ABCC2: variants seen among roughly 807,000 people sequenced by gnomAD.
ABCC2 encodes ATP binding cassette subfamily C member 2, also known as ATP-binding cassette sub-family C member 2.
In ABCC2, 157 loss-of-function variants were observed where a neutral mutation model predicts 173.4. The observed-to-expected ratio is 0.91, with a 90% CI of 0.80 to 1.03. ABCC2 has a LOEUF of 1.03. ABCC2 is among the 50% of genes least tolerant of loss of function. The probability of loss-of-function intolerance (pLI) is 0.00; values close to 1 mark genes in which losing one functional copy is unlikely to be tolerated. For synonymous variants in ABCC2, 657 were observed against 693.5 expected (o/e 0.95, Z 0.83); for missense variants, 1,822 against 1,852.3 (o/e 0.98, Z 0.30).
intron 25 of ABCC2, among the ~76,000 whole-genome samples, chr10:99,838,143 G>A (rs2038857976): frequency 6.0e-5 from 5 of 82,696 alleles, no homozygotes; most frequent in African/African-American, 1.8e-4. Flanking sequence ...GCGGCTGGCC[G>A]GGCGGGGGGC....
At chr10:99,814,237 ATATG>A (rs1318656251) in intron 16 of ABCC2, among the ~76,000 whole-genome samples, 829 of 41,098 alleles carry the variant, frequency 0.02, 133 homozygotes, top group African/African-American at 0.044. Context: ...ACATGTGTAT[ATATG>A]CACACACGTA....
chr10:99,839,063 G>C (rs1315507382), intron 25 of ABCC2, among the ~76,000 whole-genome samples: 6 of 133,806 alleles, frequency 4.5e-5, no homozygotes, highest in Non-Finnish European at 9.7e-5. Flanking sequence ...CCTCCCGGAC[G>C]GGGCGGCTGG....
chr10:99,795,771 G>T lies in ABCC2; in HGVS notation c.632+1303G>T, dbSNP rs933505232. Among the ~76,000 whole-genome samples, 11 of 146,224 alleles carry T rather than the reference G, an allele frequency of 7.5e-5. 1 individual carries two copies. The highest frequency in any genetic ancestry group is 1.6e-4 in the Non-Finnish European group (11 of 67,444). On this transcript the variant is annotated intron_variant, in intron 6 of 31. Coordinates refer to ENST00000647814, the MANE Select transcript of ABCC2 (RefSeq NM_000392.5). ...AGAAAGAAAGAAAGAAAGAAAGAAA[G>T]AAAGAAAGAAAGAAAGAAAGAAAGA...
Position 99,784,762 on chromosome 10 carries a change from A to C in ABCC2, c.188A>C (p.Lys63Thr). 6.2e-7 allele frequency: 1 copy of C among 1,614,102 alleles called. No homozygotes were observed. The highest frequency in any genetic ancestry group is 8.5e-7 in the Non-Finnish European group (1 of 1,180,018). ...AGGACCAAGAGATCCTCTACCACCA[A>C]ACTCTATCTTGCTAAGCAGGTAAAG... ...KSRTKRSSTTKLYLAKQVFVG... is the reference protein window; with the variant it reads ...KSRTKRSSTTTLYLAKQVFVG... Residue 63 changes from lysine to threonine, a missense_variant, in exon 2 of 32, where the codon AAA (lysine) becomes ACA (threonine). Lys to Thr is a moderately conservative substitution (Grantham distance 78). Transcript: ENST00000647814.
intron 30 of ABCC2, among the ~76,000 whole-genome samples, chr10:99,848,816 T>C (rs901627461): frequency 1.3e-5 from 2 of 152,122 alleles, no homozygotes; most frequent in Admixed American, 1.3e-4. Flanking sequence ...GAACAAGCCC[T>C]GGTAGAGAAC....
rs375201613 is a variant in ABCC2, at chr10:99,834,285, A to G, written c.3259-95A>G. 5.0e-4 allele frequency: 652 copies of G among 1,306,874 alleles called. 7 individuals carry two copies. In the South Asian group the frequency reaches 7.4e-3, roughly 15 times the overall value. 81.0% of individuals were successfully genotyped at this position (1,306,874 alleles called of 1,614,324 possible). A position where few individuals can be genotyped will look rare whatever the true frequency, so the allele number is the denominator to read the frequency against. On this transcript the variant is annotated intron_variant, in intron 23 of 31. Transcript: ENST00000647814. Reference sequence around the variant, plus strand: ...TTACATGAAGGAGTACTGGGAACACACAGAATCCAACAGATTCCTTGCTAG... The same window carrying G: ...TTACATGAAGGAGTACTGGGAACACGCAGAATCCAACAGATTCCTTGCTAG...
rs572387357 is a variant in ABCC2, at chr10:99,826,304, A to G, written c.2621-4003A>G. 8.5e-5 allele frequency among the ~76,000 whole-genome samples: 13 copies of G among 152,258 alleles called. No individual in the cohort carries two copies. The East Asian group carries it at 1.9e-3, about 23-fold the overall frequency. On this transcript the variant is annotated intron_variant, in intron 19 of 31. Transcript: ENST00000647814. Reference sequence around the variant, plus strand: ...AGGCTTTTACATATTCTGAGATTACATCTGATCCTGCGGGAACCTTTCCTT... The same window carrying G: ...AGGCTTTTACATATTCTGAGATTACGTCTGATCCTGCGGGAACCTTTCCTT...
At chr10:99,829,841 G>T (rs945561117) in intron 19 of ABCC2, among the ~76,000 whole-genome samples, 1 of 152,130 alleles carries the variant, frequency 6.6e-6, no homozygotes, top group Admixed American at 6.5e-5. Flanking sequence ...GCCCAAGGTG[G>T]TCTCAAACTC....
chr10:99,788,042 G>A (rs894525591), intron 2 of ABCC2, among the ~76,000 whole-genome samples: 32 of 149,328 alleles, frequency 2.1e-4, no homozygotes, highest in African/African-American at 7.4e-4. Context: ...ACTTCAGCCT[G>A]GGCGACAGAG....
At chr10:99,830,516 G>C in intron 20 of ABCC2, 83 bp downstream of exon 20, 2 of 1,601,172 alleles carry the variant, frequency 1.2e-6, no homozygotes, top group Non-Finnish European at 1.7e-6. Context: ...GGCTTTTCCT[G>C]TGAGGGTTAA....
chr10:99,814,660 T>TACACACAC (rs1564685812), intron 16 of ABCC2, among the ~76,000 whole-genome samples: 2 of 133,350 alleles, frequency 1.5e-5, no homozygotes, highest in East Asian at 4.3e-4. Flanking sequence ...CACACACATA[T>TACACACAC]GTGTATATAC....
chr10:99,807,650 C>G, intron 12 of ABCC2, 129 bp downstream of exon 12: 1 of 1,307,392 alleles, frequency 7.6e-7, no homozygotes. Context: ...GGGACTTGTC[C>G]CTCTCACCGC....
intron 19 of ABCC2, among the ~76,000 whole-genome samples, chr10:99,823,416 T>C (rs2038574334): frequency 6.6e-6 from 1 of 152,106 alleles, no homozygotes; most frequent in Non-Finnish European, 1.5e-5. Context: ...TTGTAATAAA[T>C]TGAATAGCTG....
rs945390969 is a variant in ABCC2 at position 99,784,493 on chromosome 10, T to A, written c.34-115T>A. On this transcript the variant is annotated intron_variant, in intron 1 of 31. Coordinates refer to ENST00000647814, the MANE Select transcript of ABCC2 (RefSeq NM_000392.5). Reference sequence around the variant, plus strand: ...AATACGGATAGTTAAAGGGTAAGGCTGGATATGGATATGGAGTTGAATTTA... The same window carrying A: ...AATACGGATAGTTAAAGGGTAAGGCAGGATATGGATATGGAGTTGAATTTA... 2.7e-6 allele frequency: 3 copies of A among 1,096,664 alleles called. No individual in the cohort carries two copies. In the South Asian group the frequency reaches 3.7e-5, roughly 14 times the overall value. The allele number at this position is 1,096,664 out of a possible 1,614,324, so 67.9% of individuals were successfully genotyped here. A position where few individuals can be genotyped will look rare whatever the true frequency, so the allele number is the denominator to read the frequency against.
rs1315180733 is a variant in ABCC2, at chr10:99,797,336, C to A, written c.867+5C>A. 1 of 1,609,040 alleles carries A rather than the reference C, an allele frequency of 6.2e-7. No individual in the cohort carries two copies. Among genetic ancestry groups the A allele is most frequent in the East Asian group, 2.2e-5 (1 of 44,640 alleles). On this transcript the variant is annotated splice_donor_5th_base_variant and intron_variant, in intron 7 of 31. Coordinates refer to ENST00000647814, the MANE Select transcript of ABCC2 (RefSeq NM_000392.5). ...AGCCAAGATGCCCTTGTCCTGGTAA[C>A]TTTCCCTTGAGTGTCTGTGTGAGCG... is the stretch of plus-strand genomic sequence containing the variant.
intron 11 of ABCC2, among the ~76,000 whole-genome samples, chr10:99,805,738 A>G (rs1177892804): frequency 1.4e-5 from 2 of 147,400 alleles, no homozygotes; most frequent in Non-Finnish European, 3.0e-5. Context: ...CAGCTCCAGG[A>G]ATTATCAGCA....
chr10:99,811,993 T>G (rs2133045214), intron 15 of ABCC2, among the ~76,000 whole-genome samples: 1 of 152,318 alleles, frequency 6.6e-6, no homozygotes, highest in Middle Eastern at 3.4e-3. Flanking sequence ...TCAGGAACAT[T>G]GGAATCTGGC....
At chr10:99,814,684 C>CATAT (rs374719080) in intron 16 of ABCC2, among the ~76,000 whole-genome samples, 871 of 73,432 alleles carry the variant, frequency 0.012, 28 homozygotes, top group South Asian at 0.02. Flanking sequence ...TATACACACA[C>CATAT]GTGTATATAC....
intron 19 of ABCC2, among the ~76,000 whole-genome samples, chr10:99,827,657 T>C (rs1369944155): frequency 6.6e-6 from 1 of 151,990 alleles, no homozygotes; most frequent in African/African-American, 2.4e-5. Context: ...GATCTAAAGT[T>C]CCTTGTTCTG....
Sources: gnomAD v4.1 joint callset for allele counts (sites outside exome capture counted in the v4.1 genomes callset) on GRCh38, gnomAD v4.1.1 for gene constraint, MANE v1.5 for transcripts, NCBI Gene and HGNC (gene_info 2026-07-23, HGNC 2026-07-21) for gene names.